The following TRIM37 variants were observed in gnomAD, a reference collection of about 807,000 sequenced individuals.
The protein encoded by TRIM37 is E3 ubiquitin-protein ligase TRIM37.
TRIM37 carries 80 observed loss-of-function variants against 129.8 expected under a neutral mutation model. That is an observed-to-expected ratio of 0.62 (90% CI 0.51 to 0.74). TRIM37 has a LOEUF of 0.74. TRIM37 is among the 30% of genes least tolerant of loss of function. TRIM37 has a pLI of 0.00. For missense variants in TRIM37, 1,054 were observed against 1,176.5 expected (o/e 0.90, Z 1.52); for synonymous variants, 389 against 387.1 (o/e 1.00, Z -0.06).
intron 7 of TRIM37, among the ~76,000 whole-genome samples, chr17:59,076,396 C>A (rs2042817058): frequency 6.6e-6 from 1 of 152,120 alleles, no homozygotes; most frequent in Admixed American, 6.5e-5. Flanking sequence ...AAAAAATTAG[C>A]CAGGAGTGGT....
intron 12 of TRIM37, among the ~76,000 whole-genome samples, chr17:59,059,960 C>T (rs765803040): frequency 5.9e-5 from 9 of 152,184 alleles, no homozygotes; most frequent in Non-Finnish European, 1.2e-4. Flanking sequence ...CCCTCTAATC[C>T]TGTCAAGGAG....
At chr17:59,079,641 G>A in intron 7 of TRIM37, 113 bp downstream of exon 7, 1 of 1,328,086 alleles carries the variant, frequency 7.5e-7, no homozygotes, top group Non-Finnish European at 1.1e-6. Context: ...ACAACATGGA[G>A]TTGCCTAAAA....
intron 8 of TRIM37, among the ~76,000 whole-genome samples, chr17:59,072,467 C>T (rs2042452534): frequency 6.6e-6 from 1 of 152,136 alleles, no homozygotes. Flanking sequence ...ATAGCTCACA[C>T]CTGTAATCCC....
intron 22 of TRIM37, among the ~76,000 whole-genome samples, chr17:59,010,746 G>A (rs1048473508): frequency 1.3e-5 from 2 of 152,054 alleles, no homozygotes; most frequent in African/African-American, 4.8e-5. Flanking sequence ...GCCTGCCTCA[G>A]CCTCCCAAAG....
chr17:58,992,402 C>T (rs1035291759), intron 24 of TRIM37, among the ~76,000 whole-genome samples: 29 of 150,496 alleles, frequency 1.9e-4, no homozygotes, highest in African/African-American at 4.1e-4. Flanking sequence ...AGTTTTGAGA[C>T]GGAGTTTCAC....
At chr17:58,998,152 G>C, downstream of TRIM37, 2 of 923,442 alleles carry the variant, frequency 2.2e-6, no homozygotes, top group South Asian at 1.0e-4. Flanking sequence ...GAGGCAATGA[G>C]TAGAAAAGAA....
At chr17:59,083,844 G>A (rs1329583448) in intron 5 of TRIM37, among the ~76,000 whole-genome samples, 158 bp downstream of exon 5, 1 of 152,094 alleles carries the variant, frequency 6.6e-6, no homozygotes, top group Non-Finnish European at 1.5e-5. Context: ...AGATTCTTCT[G>A]GAATAAAAGT....
At chr17:59,003,493 T>C (rs1208621233) in intron 22 of TRIM37, among the ~76,000 whole-genome samples, 2 of 151,940 alleles carry the variant, frequency 1.3e-5, no homozygotes, top group African/African-American at 4.8e-5. Flanking sequence ...CCACTGAAAG[T>C]AGCAATAAAA....
intron 3 of TRIM37, among the ~76,000 whole-genome samples, 163 bp from the exon 4 acceptor site, chr17:59,088,570 C>T (rs146321383): frequency 1.3e-5 from 2 of 151,730 alleles, no homozygotes; most frequent in Admixed American, 6.6e-5. Flanking sequence ...TGGAATGCAG[C>T]GGCATGCATG....
rs369739567 is a variant in TRIM37, at chr17:59,015,851, C to T, written c.2387-52G>A. On this transcript the variant is annotated intron_variant, in intron 20 of 23. Coordinates refer to ENST00000262294, the MANE Select transcript of TRIM37 (RefSeq NM_015294.6). ...AAAATTAGCTGGGCATGGTGGTGTG[C>T]GCCTGTAATCCCAGCTACTTGGGAG... is the stretch of plus-strand genomic sequence containing the variant. 93 of 1,567,008 alleles carry T rather than the reference C, an allele frequency of 5.9e-5. No individual in the cohort carries two copies. The African/African-American group carries it at 7.8e-4, about 13-fold the overall frequency.
the TRIM37 span, among the ~76,000 whole-genome samples, chr17:58,975,274 A>G: frequency 1.3e-5 from 2 of 152,232 alleles, no homozygotes; most frequent in Non-Finnish European, 2.9e-5. Flanking sequence ...TACTTGTTAC[A>G]GAACTAACTT....
At chr17:59,014,340 T>G (rs549728440) in intron 21 of TRIM37, among the ~76,000 whole-genome samples, 4 of 152,134 alleles carry the variant, frequency 2.6e-5, no homozygotes, top group Non-Finnish European at 5.9e-5. Flanking sequence ...TTGTTTAAAT[T>G]TAGAAATAGG....
chr17:59,040,118 C>T (rs1265592647), intron 17 of TRIM37, among the ~76,000 whole-genome samples: 2 of 151,958 alleles, frequency 1.3e-5, no homozygotes, highest in East Asian at 3.9e-4. Flanking sequence ...GTTGCCCAGG[C>T]TGGTCTCAAA....
At chr17:59,003,266 G>A (rs2034018113) in intron 22 of TRIM37, among the ~76,000 whole-genome samples, 1 of 152,158 alleles carries the variant, frequency 6.6e-6, no homozygotes, top group African/African-American at 2.4e-5. Context: ...TGTTTCTACT[G>A]GGCTCTGAAG....
intron 19 of TRIM37, among the ~76,000 whole-genome samples, chr17:59,020,230 C>CAAAAAA (rs58159558): frequency 6.2e-5 from 2 of 32,056 alleles, no homozygotes; most frequent in Non-Finnish European, 1.0e-4. Context: ...GACTCTGTCT[C>CAAAAAA]AAAAAAAAAA....
At chr17:59,001,216 A>T (rs1368562326) in intron 23 of TRIM37, among the ~76,000 whole-genome samples, 1 of 146,692 alleles carries the variant, frequency 6.8e-6, no homozygotes, top group Non-Finnish European at 1.5e-5. Context: ...AAAAAAAAAG[A>T]AAAAAAAAAC....
At chr17:58,970,174 T>A in the TRIM37 span, among the ~76,000 whole-genome samples, 714 of 152,300 alleles carry the variant, frequency 4.7e-3, 6 homozygotes, top group African/African-American at 0.016. Context: ...TTGCTGTGTA[T>A]CTCTTGAGGG....
intron 19 of TRIM37, 71 bp from the exon 20 acceptor site, chr17:59,017,495 A>G: frequency 1.2e-6 from 2 of 1,608,730 alleles, no homozygotes; most frequent in Admixed American, 3.3e-5. Context: ...GTCTGTCAGA[A>G]AAAGTTTTAA....
At chr17:59,037,027 A>G (rs188913478) in intron 17 of TRIM37, among the ~76,000 whole-genome samples, 1 of 152,188 alleles carries the variant, frequency 6.6e-6, no homozygotes, top group East Asian at 1.9e-4. Flanking sequence ...AGGTAAGAGA[A>G]TGGCTTGAAC....
Sources: allele counts gnomAD v4.1 joint callset (sites outside exome capture counted in the v4.1 genomes callset), GRCh38; gene constraint gnomAD v4.1.1; transcripts MANE v1.5; gene names NCBI Gene and HGNC (gene_info 2026-07-23, HGNC 2026-07-21).